Variants in NUBPL observed in about 807,000 individuals in gnomAD.
The protein encoded by NUBPL is iron-sulfur cluster transfer protein NUBPL.
In NUBPL, 31 loss-of-function variants were observed where a neutral mutation model predicts 45.7. That is an observed-to-expected ratio of 0.68 (90% CI 0.51 to 0.92). The LOEUF (loss-of-function observed/expected upper bound fraction) is 0.92, where lower values mean the gene tolerates loss of function less well. NUBPL is among the 40% of genes least tolerant of loss of function. The probability of loss-of-function intolerance (pLI) is 0.00; values close to 1 mark genes in which losing one functional copy is unlikely to be tolerated. For synonymous variants in NUBPL, 144 were observed against 140.9 expected (o/e 1.02, Z -0.15); for missense variants, 401 against 398.7 (o/e 1.01, Z -0.05).
chr14:31,635,466 A>G (rs1408286894), intron 4 of NUBPL, among the ~76,000 whole-genome samples: 2 of 152,064 alleles, frequency 1.3e-5, no homozygotes, highest in Non-Finnish European at 2.9e-5. Flanking sequence ...TTTTGGTACC[A>G]GTACCATGCT....
chr14:31,723,458 G>GT (rs1353852443), intron 6 of NUBPL, among the ~76,000 whole-genome samples: 5 of 152,152 alleles, frequency 3.3e-5, no homozygotes, highest in African/African-American at 1.2e-4. Flanking sequence ...TTTTAAAATA[G>GT]TTTTTTCTAG....
chr14:31,602,331 T>C (rs957382010), intron 4 of NUBPL, among the ~76,000 whole-genome samples: 1 of 150,864 alleles, frequency 6.6e-6, no homozygotes, highest in Non-Finnish European at 1.5e-5. Context: ...ATGGCACATG[T>C]ATACATATGT....
At chr14:31,650,186 A>G (rs898301148) in intron 4 of NUBPL, among the ~76,000 whole-genome samples, 5 of 152,284 alleles carry the variant, frequency 3.3e-5, no homozygotes, top group Admixed American at 2.0e-4. Flanking sequence ...GAAAGTTGAT[A>G]AGACATGAAT....
intron 4 of NUBPL, among the ~76,000 whole-genome samples, chr14:31,635,920 T>G (rs1464351647): frequency 6.6e-6 from 1 of 152,208 alleles, no homozygotes; most frequent in Non-Finnish European, 1.5e-5. Context: ...AGAATGCTTG[T>G]GATTTTTGTA....
At chr14:31,750,100 A>T (rs1383475262) in intron 6 of NUBPL, among the ~76,000 whole-genome samples, 1 of 151,298 alleles carries the variant, frequency 6.6e-6, no homozygotes, top group South Asian at 2.1e-4. Flanking sequence ...TCAGATAACA[A>T]TTTTTTTCCT....
chr14:31,642,766 T>C (rs2035741037), intron 4 of NUBPL, among the ~76,000 whole-genome samples: 1 of 152,158 alleles, frequency 6.6e-6, no homozygotes, highest in Non-Finnish European at 1.5e-5. Context: ...ATCTGTAATA[T>C]TAATTCTTCC....
intron 4 of NUBPL, among the ~76,000 whole-genome samples, chr14:31,601,788 G>A (rs2034441000): frequency 6.6e-6 from 1 of 152,188 alleles, no homozygotes; most frequent in Admixed American, 6.5e-5. Flanking sequence ...GACACTGTTG[G>A]TGGGACTGTA....
Position 31,636,698 on chromosome 14 carries a change from C to A in NUBPL, c.383-36657C>A, listed in dbSNP as rs183298825. ...TCCTTCTTGTACCTCTGGTAGAATT[C>A]GGCTGTGAATCCATCTGGTCCTGGA... On this transcript the variant is annotated intron_variant, in intron 4 of 10. Coordinates refer to ENST00000281081, the MANE Select transcript of NUBPL (RefSeq NM_025152.3). 2.0e-5 allele frequency among the ~76,000 whole-genome samples: 3 copies of A among 152,080 alleles called. No homozygotes were observed. The East Asian group carries it at 5.8e-4, about 29-fold the overall frequency.
chr14:31,582,018 A>G (rs1403145844), intron 3 of NUBPL, among the ~76,000 whole-genome samples: 4 of 152,146 alleles, frequency 2.6e-5, no homozygotes, highest in African/African-American at 9.7e-5. Context: ...TTTGCTTGTT[A>G]TTTTGTTAGT....
intron 7 of NUBPL, among the ~76,000 whole-genome samples, chr14:31,815,732 G>T (rs547556892): frequency 8.6e-5 from 13 of 151,972 alleles, no homozygotes; most frequent in South Asian, 2.1e-4. Context: ...TTTATTGAGC[G>T]TTTTTAGCAT....
intron 6 of NUBPL, among the ~76,000 whole-genome samples, chr14:31,713,732 G>A (rs145043548): frequency 1.6e-3 from 245 of 152,010 alleles, no homozygotes; most frequent in Middle Eastern, 0.014. Context: ...TTTATTCTCC[G>A]TAGGAACTAT....
chr14:31,588,693 G>T (rs1595329341), intron 3 of NUBPL, among the ~76,000 whole-genome samples: 1 of 151,846 alleles, frequency 6.6e-6, no homozygotes, highest in African/African-American at 2.4e-5. Flanking sequence ...AAGGTGGGCA[G>T]ATTACGAGGT....
intron 7 of NUBPL, among the ~76,000 whole-genome samples, chr14:31,799,415 A>G (rs1566568073): frequency 6.6e-6 from 1 of 152,178 alleles, no homozygotes; most frequent in Non-Finnish European, 1.5e-5. Flanking sequence ...CCCTGCAAGA[A>G]ATAAGGTAAT....
chr14:31,633,239 T>A (rs1595398130), intron 4 of NUBPL, among the ~76,000 whole-genome samples: 1 of 152,314 alleles, frequency 6.6e-6, no homozygotes, highest in East Asian at 1.9e-4. Context: ...CAAACCACCT[T>A]CACCTCTTGC....
intron 6 of NUBPL, among the ~76,000 whole-genome samples, chr14:31,748,813 A>C (rs138922667): frequency 3.3e-5 from 5 of 152,042 alleles, no homozygotes; most frequent in African/African-American, 9.7e-5. Context: ...GGGTTTCACC[A>C]TGATGGCCAG....
chr14:31,831,475 TACC>T (rs2040190871), intron 8 of NUBPL, among the ~76,000 whole-genome samples: 1 of 149,630 alleles, frequency 6.7e-6, no homozygotes, highest in Non-Finnish European at 1.5e-5. Flanking sequence ...TACTATACCA[TACC>T]ATACCATACC....
At chr14:31,639,009 C>T (rs1342030699) in intron 4 of NUBPL, among the ~76,000 whole-genome samples, 2 of 152,010 alleles carry the variant, frequency 1.3e-5, no homozygotes, top group African/African-American at 4.8e-5. Context: ...CAAAGTTTTT[C>T]ACTTCTTTGC....
chr14:31,636,772 G>A (rs1180458710), intron 4 of NUBPL, among the ~76,000 whole-genome samples: 2 of 152,196 alleles, frequency 1.3e-5, no homozygotes, highest in Admixed American at 1.3e-4. Flanking sequence ...TTCAGAGCCT[G>A]TTATTGGTCT....
At chr14:31,810,368 G>C (rs544934545) in intron 7 of NUBPL, among the ~76,000 whole-genome samples, 10 of 152,140 alleles carry the variant, frequency 6.6e-5, no homozygotes, top group Non-Finnish European at 1.5e-4. Flanking sequence ...TTACCATTAT[G>C]TAATGGCCGT....
Sources: allele counts gnomAD v4.1 joint callset (sites outside exome capture counted in the v4.1 genomes callset), GRCh38; gene constraint gnomAD v4.1.1; transcripts MANE v1.5; gene names NCBI Gene and HGNC (gene_info 2026-07-23, HGNC 2026-07-21).